The following EXT1 variants were observed in gnomAD, a reference collection of about 807,000 sequenced individuals.
The protein encoded by EXT1 is exostosin glycosyltransferase 1.
A neutral mutation model predicts 82.5 loss-of-function variants in EXT1; 20 were observed. That is an observed-to-expected ratio of 0.24 (90% CI 0.17 to 0.35). The LOEUF (loss-of-function observed/expected upper bound fraction) is 0.35, where lower values mean the gene tolerates loss of function less well. EXT1 is among the 10% of genes least tolerant of loss of function. The pLI is 1.00. For missense variants in EXT1, 757 were observed against 936.5 expected (o/e 0.81, Z 2.50); for synonymous variants, 348 against 350.8 (o/e 0.99, Z 0.09).
chr8:118,009,074 A>G (rs778433053), intron 1 of EXT1, among the ~76,000 whole-genome samples: 11 of 152,224 alleles, frequency 7.2e-5, no homozygotes, highest in Non-Finnish European at 1.6e-4. Context: ...GGGGAAACCA[A>G]CATGGGAAAT....
At chr8:118,096,258 C>CAA (rs1817609407) in intron 1 of EXT1, among the ~76,000 whole-genome samples, 1 of 152,058 alleles carries the variant, frequency 6.6e-6, no homozygotes, top group Admixed American at 6.6e-5. Context: ...TGTTATGCAG[C>CAA]AAAACCCTTT....
chr8:117,838,741 A>C (rs2129795573), intron 1 of EXT1, among the ~76,000 whole-genome samples: 1 of 152,288 alleles, frequency 6.6e-6, no homozygotes, highest in Admixed American at 6.5e-5. Context: ...ATAATGTTTT[A>C]ATCTCTGCCT....
chr8:117,852,069 C>G (rs1056075748), intron 1 of EXT1, among the ~76,000 whole-genome samples: 18 of 152,176 alleles, frequency 1.2e-4, no homozygotes, highest in Admixed American at 6.5e-5. Flanking sequence ...TCCAAAAATC[C>G]TATGAAGTAA....
chr8:117,876,131 A>C (rs1281517478), intron 1 of EXT1, among the ~76,000 whole-genome samples: 8 of 152,254 alleles, frequency 5.3e-5, no homozygotes, highest in Admixed American at 5.2e-4. Context: ...CTAACCATTA[A>C]TCAAACAGCA....
chr8:117,845,249 G>C (rs1247471705), intron 1 of EXT1, among the ~76,000 whole-genome samples: 1 of 152,196 alleles, frequency 6.6e-6, no homozygotes, highest in Admixed American at 6.5e-5. Flanking sequence ...CACTGGGGAC[G>C]TGGGGAAAGA....
rs573715752 is a variant in EXT1 at position 117,936,861 on chromosome 8, T to A, written c.963-99660A>T. Among the ~76,000 whole-genome samples, 187 of 152,046 alleles carry A rather than the reference T, an allele frequency of 1.2e-3. 3 individuals carry two copies. The Middle Eastern group carries it at 0.027, about 22-fold the overall frequency. On this transcript the variant is annotated intron_variant, in intron 1 of 10. Transcript: ENST00000378204. ...CTGCACTCCAGCCTGGGCAACAGAG[T>A]GAGACTCCATCTCAAAAAATAAATA...
At chr8:118,059,037 A>G (rs1347298956) in intron 1 of EXT1, among the ~76,000 whole-genome samples, 3 of 152,184 alleles carry the variant, frequency 2.0e-5, no homozygotes, top group Non-Finnish European at 4.4e-5. Context: ...GATCAGATAA[A>G]ATCATTAATC....
intron 1 of EXT1, among the ~76,000 whole-genome samples, chr8:117,967,509 T>G (rs1814847489): frequency 8.5e-6 from 1 of 117,438 alleles, no homozygotes; most frequent in Admixed American, 1.0e-4. Flanking sequence ...CTTGAGAGAA[T>G]GTGTTTATAA....
chr8:117,922,802 T>C (rs945747750), intron 1 of EXT1, among the ~76,000 whole-genome samples: 4 of 152,212 alleles, frequency 2.6e-5, no homozygotes, highest in Non-Finnish European at 5.9e-5. Context: ...ATGTCTATAC[T>C]GCGTACCGTC....
chr8:118,047,097 C>T (rs1446857606), intron 1 of EXT1, among the ~76,000 whole-genome samples: 3 of 152,056 alleles, frequency 2.0e-5, no homozygotes, highest in Admixed American at 2.0e-4. Flanking sequence ...CTCAGTCTGG[C>T]TGTGCATTAA....
intron 1 of EXT1, among the ~76,000 whole-genome samples, chr8:118,052,171 A>C (rs1443087639): frequency 1.3e-5 from 2 of 152,182 alleles, no homozygotes; most frequent in Admixed American, 1.3e-4. Flanking sequence ...ACTTCCTAGA[A>C]CTCAGAGGTG....
intron 1 of EXT1, among the ~76,000 whole-genome samples, chr8:117,930,143 T>C (rs1382255679): frequency 6.6e-6 from 1 of 151,978 alleles, no homozygotes; most frequent in East Asian, 1.9e-4. Context: ...GAGGAAGAGT[T>C]TGCCAAATGG....
At chr8:118,048,025 T>TA (rs61039447) in intron 1 of EXT1, among the ~76,000 whole-genome samples, 55,223 of 145,336 alleles carry the variant, frequency 0.38, 10,761 homozygotes, top group Middle Eastern at 0.48. Flanking sequence ...GAATTAATAT[T>TA]AAAAAAAAAA....
chr8:117,874,575 C>CAA (rs61249983), intron 1 of EXT1, among the ~76,000 whole-genome samples: 22 of 69,776 alleles, frequency 3.2e-4, no homozygotes, highest in South Asian at 1.0e-3. Flanking sequence ...GACTCTGCCT[C>CAA]AAAAAAAAAA....
chr8:118,030,970 C>A (rs1816304553), intron 1 of EXT1, among the ~76,000 whole-genome samples: 1 of 152,134 alleles, frequency 6.6e-6, no homozygotes, highest in Admixed American at 6.5e-5. Context: ...TCTTCCCTTC[C>A]CCCTTCTGAA....
Position 117,850,144 on chromosome 8 carries a change from T to C in EXT1, c.963-12943A>G, listed in dbSNP as rs1812429040. ...CTACGGGGCCCTTAATGGGACAGCA[T>C]TTCTGTCACATGGAATTCTTGTTGC... is the stretch of plus-strand genomic sequence containing the variant. On this transcript the variant is annotated intron_variant, in intron 1 of 10. Transcript: ENST00000378204. Among the ~76,000 whole-genome samples the C allele has an allele frequency of 2.6e-5, 4 of 152,244 alleles. No homozygotes were observed. The South Asian group carries it at 8.3e-4, about 32-fold the overall frequency.
chr8:118,029,234 G>A (rs1816263462), intron 1 of EXT1, among the ~76,000 whole-genome samples: 1 of 152,116 alleles, frequency 6.6e-6, no homozygotes, highest in Admixed American at 6.6e-5. Context: ...TTCAAGACCA[G>A]CATGTGCAAC....
intron 1 of EXT1, among the ~76,000 whole-genome samples, chr8:117,990,742 G>A (rs1815414359): frequency 6.6e-6 from 1 of 152,158 alleles, no homozygotes; most frequent in African/African-American, 2.4e-5. Context: ...TTGTTTTGTG[G>A]AAAGATGCAA....
At chr8:117,857,358 C>T (rs2129849307) in intron 1 of EXT1, among the ~76,000 whole-genome samples, 1 of 152,158 alleles carries the variant, frequency 6.6e-6, no homozygotes, top group East Asian at 1.9e-4. Context: ...GAGTTCAAGA[C>T]CAACCTGGGC....
Sources: allele counts gnomAD v4.1 joint callset (sites outside exome capture counted in the v4.1 genomes callset), GRCh38; gene constraint gnomAD v4.1.1; transcripts MANE v1.5; gene names NCBI Gene and HGNC (gene_info 2026-07-23, HGNC 2026-07-21).